ARHGAP22: variants seen among roughly 807,000 people sequenced by gnomAD.
ARHGAP22 encodes the protein Rho GTPase activating protein 22, also known as rho GTPase-activating protein 22.
ARHGAP22 carries 48 observed loss-of-function variants against 59.1 expected under a neutral mutation model. The observed-to-expected ratio is 0.81, with a 90% CI of 0.64 to 1.03. The LOEUF (loss-of-function observed/expected upper bound fraction) is 1.03. ARHGAP22 is among the 50% of genes least tolerant of loss of function. The pLI is 0.00. For synonymous variants in ARHGAP22, 445 were observed against 416.4 expected (o/e 1.07, Z -0.84); for missense variants, 1,015 against 958.7 (o/e 1.06, Z -0.78).
At chr10:48,450,048 C>T (rs1011491115) in intron 9 of ARHGAP22, among the ~76,000 whole-genome samples, 3 of 151,502 alleles carry the variant, frequency 2.0e-5, no homozygotes, top group Non-Finnish European at 4.4e-5. Context: ...GCCTCTGCAG[C>T]GCTGACTGCG....
At chr10:48,445,245 G>A (rs980407465), downstream of ARHGAP22, 1 of 152,282 alleles carries the variant, frequency 6.6e-6, no homozygotes, top group Non-Finnish European at 1.5e-5. Context: ...CATTTCTAGA[G>A]GCTGTGGTCA....
At chr10:48,643,053 C>T (rs1310932247) in intron 1 of ARHGAP22, among the ~76,000 whole-genome samples, 1 of 152,186 alleles carries the variant, frequency 6.6e-6, no homozygotes, top group Non-Finnish European at 1.5e-5. Flanking sequence ...CATCTCACAC[C>T]AGTTAGAATG....
At chr10:48,634,448 A>G (rs2061735357) in intron 1 of ARHGAP22, among the ~76,000 whole-genome samples, 1 of 152,168 alleles carries the variant, frequency 6.6e-6, no homozygotes, top group East Asian at 1.9e-4. Context: ...CCCAGAGTCA[A>G]ATCATTTCTC....
chr10:48,450,735 A>T lies in ARHGAP22; in HGVS notation c.1394T>A (p.Leu465Gln), dbSNP rs368691662. ...CCGGCGGTGTCCGCGCAGGGAGGAC[A>T]GCCCGTTCATAAGCCAGTTCCCGCC... ...SSGGNWLMNG[L>Q]SSLRGHRRAS... The change falls in exon 9 of 10, where the codon CTG becomes CAG. Residue 465 changes from leucine (L) to glutamine (Q), a missense_variant. Leu to Gln is a moderately radical substitution (Grantham distance 113). Transcript: ENST00000249601. 6 of 1,558,942 alleles carry T rather than the reference A, an allele frequency of 3.8e-6. No homozygotes were observed. The South Asian group carries it at 5.9e-5, about 15-fold the overall frequency.
chr10:48,449,150 T>A (rs559428810), intron 9 of ARHGAP22, among the ~76,000 whole-genome samples: 1 of 152,240 alleles, frequency 6.6e-6, no homozygotes, highest in South Asian at 2.1e-4. Flanking sequence ...AGAGTTCCCA[T>A]GTACCCTGTA....
At chr10:48,595,673 A>G (rs113953628) in intron 1 of ARHGAP22, among the ~76,000 whole-genome samples, 209 of 152,152 alleles carry the variant, frequency 1.4e-3, no homozygotes, top group Non-Finnish European at 2.2e-3. Context: ...ACAGGTGTGT[A>G]TGACTATGCC....
At chr10:48,478,837 GCCCACCCCATGGACTCTCCTGGC>G (rs2048988598) in intron 4 of ARHGAP22, among the ~76,000 whole-genome samples, 1 of 152,070 alleles carries the variant, frequency 6.6e-6, no homozygotes, top group South Asian at 2.1e-4. Context: ...TCAGCTGCAT[GCCCACCCCATGGACTCTCCTGGC>G]CTGCTGTGTC....
At chr10:48,593,531 G>T (rs1433561597) in intron 1 of ARHGAP22, among the ~76,000 whole-genome samples, 3 of 152,186 alleles carry the variant, frequency 2.0e-5, no homozygotes, top group Admixed American at 1.3e-4. Context: ...GTAAAGTAAG[G>T]GTTACTGGAA....
At chr10:48,493,434 C>T (rs2050608008) in intron 3 of ARHGAP22, 2 of 1,535,528 alleles carry the variant, frequency 1.3e-6, no homozygotes, top group African/African-American at 1.4e-5. Context: ...CAGCTATCCA[C>T]TTACCCCTGG....
chr10:48,463,884 C>T (rs1589522509), intron 4 of ARHGAP22, among the ~76,000 whole-genome samples: 2 of 152,210 alleles, frequency 1.3e-5, no homozygotes, highest in Admixed American at 1.3e-4. Context: ...CAACTCACAG[C>T]GTTCAGCCCC....
At chr10:48,631,410 C>T (rs952880063) in intron 1 of ARHGAP22, among the ~76,000 whole-genome samples, 1 of 152,146 alleles carries the variant, frequency 6.6e-6, no homozygotes, top group African/African-American at 2.4e-5. Context: ...TGGTAGAATA[C>T]ACCAGTGAAA....
chr10:48,619,915 T>G (rs189599747), intron 1 of ARHGAP22, among the ~76,000 whole-genome samples: 1 of 152,248 alleles, frequency 6.6e-6, no homozygotes, highest in African/African-American at 2.4e-5. Context: ...ATAGACAAGC[T>G]GCAGAGTGGA....
chr10:48,536,877 G>C (rs1468393397), intron 3 of ARHGAP22, among the ~76,000 whole-genome samples: 1 of 152,028 alleles, frequency 6.6e-6, no homozygotes, highest in Non-Finnish European at 1.5e-5. Flanking sequence ...AGAAAACCTG[G>C]GCTCTTTGTG....
chr10:48,516,356 C>A (rs1012812678), intron 3 of ARHGAP22, among the ~76,000 whole-genome samples: 3 of 152,064 alleles, frequency 2.0e-5, no homozygotes, highest in Non-Finnish European at 4.4e-5. Context: ...GAGACCCCAT[C>A]TCTAAACTTT....
At chr10:48,522,205 G>C (rs750156005) in intron 3 of ARHGAP22, among the ~76,000 whole-genome samples, 1 of 152,166 alleles carries the variant, frequency 6.6e-6, no homozygotes, top group Non-Finnish European at 1.5e-5. Context: ...GCACCACAGC[G>C]CTCCCCACCC....
rs1053910901 is a variant in ARHGAP22 at position 48,473,541 on chromosome 10, ACGCTGAGGACTATTTAGTACTCAGAGAG to A, written c.451+6067_451+6094del. ...ATGAGGACTATTTAGTACTCAGAGA[ACGCTGAGGACTATTTAGTACTCAGAGAG>A]CGCTGAGCACTTTATGTCCATTTTC... On this transcript the variant is annotated intron_variant, in intron 4 of 9. Coordinates refer to ENST00000249601, the MANE Select transcript of ARHGAP22 (RefSeq NM_021226.4). 1.2e-3 allele frequency among the ~76,000 whole-genome samples: 159 copies of A among 128,754 alleles called. No individual in the cohort carries two copies. In the East Asian group the frequency reaches 0.05, roughly 40 times the overall value. 84.5% of individuals were successfully genotyped at this position (128,754 alleles called of 152,430 possible). A position where few individuals can be genotyped will look rare whatever the true frequency, so the allele number is the denominator to read the frequency against.
chr10:48,433,021 G>C, the ARHGAP22 span, among the ~76,000 whole-genome samples: 2 of 151,882 alleles, frequency 1.3e-5, no homozygotes, highest in African/African-American at 4.8e-5. Flanking sequence ...TTTCCCTGTC[G>C]AGTGCCTTCC....
At chr10:48,600,375 C>T (rs144794854) in intron 1 of ARHGAP22, among the ~76,000 whole-genome samples, 4 of 152,202 alleles carry the variant, frequency 2.6e-5, no homozygotes, top group African/African-American at 9.6e-5. Context: ...GCCAGGGTGA[C>T]TGGGAAGACA....
At chr10:48,500,524 G>C (rs964896470) in intron 3 of ARHGAP22, among the ~76,000 whole-genome samples, 3 of 152,110 alleles carry the variant, frequency 2.0e-5, no homozygotes, top group African/African-American at 7.2e-5. Flanking sequence ...GACAATGGGA[G>C]AGCCACATGA....
Sources: allele counts gnomAD v4.1 joint callset (sites outside exome capture counted in the v4.1 genomes callset), GRCh38; gene constraint gnomAD v4.1.1; transcripts MANE v1.5; gene names NCBI Gene and HGNC (gene_info 2026-07-23, HGNC 2026-07-21).